The following TOM1L1 variants were observed in gnomAD, a reference collection of about 807,000 sequenced individuals.
TOM1L1 encodes target of myb1 like 1 membrane trafficking protein, also known as TOM1-like protein 1.
In TOM1L1, 64 loss-of-function variants were observed where a neutral mutation model predicts 63.4. That is an observed-to-expected ratio of 1.01 (90% confidence interval 0.83 to 1.24). The LOEUF (loss-of-function observed/expected upper bound fraction) is 1.24, where lower values mean the gene tolerates loss of function less well. TOM1L1 is among the 50% of genes most tolerant of loss of function. TOM1L1 has a pLI of 0.00. For synonymous variants in TOM1L1, 166 were observed against 194.4 expected (o/e 0.85, Z 1.22); for missense variants, 536 against 567.0 (o/e 0.95, Z 0.55).
intron 2 of TOM1L1, 128 bp from the exon 3 acceptor site, chr17:54,905,361 A>C (rs754250325): frequency 1.6e-6 from 1 of 644,872 alleles, no homozygotes; most frequent in Admixed American, 3.0e-5. Context: ...AGGGTCCCAC[A>C]GTAGAACCAA....
At chr17:54,902,782 C>T (rs1186539428) in intron 1 of TOM1L1, among the ~76,000 whole-genome samples, 1 of 152,164 alleles carries the variant, frequency 6.6e-6, no homozygotes, top group Non-Finnish European at 1.5e-5. Flanking sequence ...GTTCCATTAC[C>T]CTTTCCAGAT....
intron 11 of TOM1L1, among the ~76,000 whole-genome samples, 169 bp from the exon 12 acceptor site, chr17:54,947,092 C>T (rs983198317): frequency 3.3e-5 from 5 of 152,182 alleles, no homozygotes; most frequent in African/African-American, 1.2e-4. Context: ...GCATCATAAC[C>T]TGATGTGCAC....
chr17:54,927,745 G>C (rs1474723881), intron 7 of TOM1L1, among the ~76,000 whole-genome samples: 1 of 152,178 alleles, frequency 6.6e-6, no homozygotes, highest in East Asian at 1.9e-4. Context: ...CATGGTGCTT[G>C]ATCTTGGCTT....
intron 14 of TOM1L1, chr17:54,957,035 G>A (rs912248533): frequency 2.6e-5 from 4 of 152,240 alleles, no homozygotes; most frequent in South Asian, 2.1e-4. Flanking sequence ...GGTCTGTCAT[G>A]AACTGGTTTA....
chr17:54,931,216 T>C (rs2048852851), intron 8 of TOM1L1, among the ~76,000 whole-genome samples: 1 of 152,170 alleles, frequency 6.6e-6, no homozygotes, highest in Non-Finnish European at 1.5e-5. Context: ...ATCTAGCTGA[T>C]GATTTTGGAT....
chr17:54,944,054 A>G (rs2049077530), intron 11 of TOM1L1, among the ~76,000 whole-genome samples: 1 of 152,164 alleles, frequency 6.6e-6, no homozygotes, highest in African/African-American at 2.4e-5. Flanking sequence ...CCCCTTTTCT[A>G]TAATAGTTAT....
At chr17:54,926,437 G>A (rs912513154) in intron 7 of TOM1L1, among the ~76,000 whole-genome samples, 5 of 151,988 alleles carry the variant, frequency 3.3e-5, no homozygotes, top group Admixed American at 6.5e-5. Flanking sequence ...ACTTGTCCTG[G>A]TACCTCCCAC....
At chr17:54,953,195 A>C (rs1055956352) in intron 14 of TOM1L1, 2 of 151,976 alleles carry the variant, frequency 1.3e-5, no homozygotes, top group African/African-American at 4.8e-5. Context: ...CCCTGACAGC[A>C]TAACGAGACC....
intron 8 of TOM1L1, among the ~76,000 whole-genome samples, chr17:54,934,834 C>CAGA (rs2048921262): frequency 3.9e-5 from 6 of 152,034 alleles, no homozygotes; most frequent in African/African-American, 1.4e-4. Flanking sequence ...TCTTCTGTCT[C>CAGA]AGCCTCCCTG....
At chr17:54,916,991 G>T (rs1454924830) in intron 7 of TOM1L1, 1 of 152,130 alleles carries the variant, frequency 6.6e-6, no homozygotes, top group African/African-American at 2.4e-5. Context: ...AATGCTGATA[G>T]AAGTATTATA....
rs2143787537 is a variant in TOM1L1 at position 54,915,866 on chromosome 17, T to A, written c.720+4T>A. On this transcript the variant is annotated splice_donor_region_variant and intron_variant, in intron 7 of 15. Coordinates refer to ENST00000575882, the MANE Select transcript of TOM1L1 (RefSeq NM_005486.3). ...TGAAGACATAGAGCTTCTGCAGGTGTTGTACGATTTCAGGGACTATCAGTC... is the reference window on the plus strand; with the variant it reads ...TGAAGACATAGAGCTTCTGCAGGTGATGTACGATTTCAGGGACTATCAGTC... 1 of 1,606,656 alleles carries A rather than the reference T, an allele frequency of 6.2e-7. No individual in the cohort carries two copies. The highest frequency in any genetic ancestry group is 8.5e-7 in the Non-Finnish European group (1 of 1,173,464).
chr17:54,939,430 C>T (rs2049002228), intron 11 of TOM1L1, among the ~76,000 whole-genome samples: 2 of 152,080 alleles, frequency 1.3e-5, no homozygotes, highest in Non-Finnish European at 2.9e-5. Context: ...AATACAATGA[C>T]AAAGGAGGCA....
rs140350215 is a variant in TOM1L1 at position 54,947,429 on chromosome 17, CCT to C, written c.1182+118_1182+119del. 2,664 of 1,176,130 alleles carry C rather than the reference CCT, an allele frequency of 2.3e-3. 46 individuals carry two copies. In the African/African-American group the frequency reaches 0.032, roughly 14 times the overall value. 72.9% of individuals were successfully genotyped at this position (1,176,130 alleles called of 1,614,324 possible). A position where few individuals can be genotyped will look rare whatever the true frequency, so the allele number is the denominator to read the frequency against. ...CTCAGTATTGTGTTGATGCGCAGCCCCTGTTAGCAAGATGGTAAGGATCAAAA... is the reference window on the plus strand; with the variant it reads ...CTCAGTATTGTGTTGATGCGCAGCCCGTTAGCAAGATGGTAAGGATCAAAA... On this transcript the variant is annotated intron_variant, in intron 12 of 15. Coordinates refer to ENST00000575882, the MANE Select transcript of TOM1L1 (RefSeq NM_005486.3).
At chr17:54,904,369 CAAAAAAAA>C (rs1165559722) in intron 2 of TOM1L1, among the ~76,000 whole-genome samples, 1 of 78,166 alleles carries the variant, frequency 1.3e-5, no homozygotes, top group Non-Finnish European at 2.9e-5. Flanking sequence ...GACTCTATCT[CAAAAAAAA>C]AAAAAAAAAA....
At chr17:54,955,978 T>A (rs192161099) in intron 14 of TOM1L1, among the ~76,000 whole-genome samples, 1 of 152,160 alleles carries the variant, frequency 6.6e-6, no homozygotes, top group Non-Finnish European at 1.5e-5. Flanking sequence ...CTGAGGTGAG[T>A]TGGCCCACGC....
At chr17:54,901,019 C>T in intron 1 of TOM1L1, 96 bp downstream of exon 1, 1 of 1,533,256 alleles carries the variant, frequency 6.5e-7, no homozygotes, top group Non-Finnish European at 8.9e-7. Flanking sequence ...CGGAGTTAGT[C>T]CAACTTGAAA....
At chr17:54,945,829 AT>A (rs1214358530) in intron 11 of TOM1L1, among the ~76,000 whole-genome samples, 7 of 152,030 alleles carry the variant, frequency 4.6e-5, no homozygotes, top group Admixed American at 3.9e-4. Context: ...GCTGCCTTAA[AT>A]ATCTCTGAGA....
At chr17:54,954,364 C>A (rs577519889) in intron 14 of TOM1L1, 1 of 152,292 alleles carries the variant, frequency 6.6e-6, no homozygotes, top group African/African-American at 2.4e-5. Context: ...ACACATAGAC[C>A]CGAGCAAAAC....
chr17:54,912,144 GC>G (rs2048506908), intron 3 of TOM1L1, among the ~76,000 whole-genome samples: 1 of 152,062 alleles, frequency 6.6e-6, no homozygotes, highest in African/African-American at 2.4e-5. Flanking sequence ...ATTTTGCAAA[GC>G]CCAGCTTCCA....
Sources: gnomAD v4.1 joint callset for allele counts (sites outside exome capture counted in the v4.1 genomes callset) on GRCh38, gnomAD v4.1.1 for gene constraint, MANE v1.5 for transcripts, NCBI Gene and HGNC (gene_info 2026-07-23, HGNC 2026-07-21) for gene names.